The following NPIPB7 variants were observed in gnomAD, a reference collection of about 807,000 sequenced individuals.
NPIPB7 encodes nuclear pore complex interacting protein family member B7, also known as nuclear pore complex-interacting protein family member B7.
For synonymous variants in NPIPB7, 9 were observed against 88.1 expected, an observed-to-expected ratio of 0.10 and a Z score of 5.03; for missense variants, 14 against 238.5, an observed-to-expected ratio of 0.06 and a Z score of 6.20.
At chr16:28,470,051 T>C (rs1480714629) in intron 1 of NPIPB7, among the ~76,000 whole-genome samples, 1 of 144,962 alleles carries the variant, frequency 6.9e-6, no homozygotes, top group Non-Finnish European at 1.5e-5. Context: ...ATTTTGTTTG[T>C]TAGAGACAAG....
intron 2 of NPIPB7, among the ~76,000 whole-genome samples, chr16:28,463,583 A>G (rs2045885469): frequency 2.1e-5 from 3 of 145,672 alleles, no homozygotes; most frequent in African/African-American, 5.2e-5. Flanking sequence ...AAAATTAGCC[A>G]GGCATGGTGG....
chr16:28,471,898 C>T (rs928924199), upstream of NPIPB7, among the ~76,000 whole-genome samples: 4 of 152,172 alleles, frequency 2.6e-5, no homozygotes, highest in Admixed American at 6.6e-5. Context: ...TGCATGGTGG[C>T]ACCTGCCTGT....
intron 1 of NPIPB7, among the ~76,000 whole-genome samples, chr16:28,468,675 C>A (rs1180357994): frequency 6.9e-6 from 1 of 145,120 alleles, no homozygotes; most frequent in Non-Finnish European, 1.5e-5. Flanking sequence ...GGCATGGTGG[C>A]ACGTGCCTAC....
chr16:28,463,430 C>CAA (rs2141680446), intron 2 of NPIPB7, among the ~76,000 whole-genome samples: 1 of 111,738 alleles, frequency 8.9e-6, no homozygotes, highest in East Asian at 3.2e-4. Flanking sequence ...CACACACACA[C>CAA]ACAAGAATGA....
At chr16:28,469,886 TG>T in intron 1 of NPIPB7, 1 of 280,232 alleles carries the variant, frequency 3.6e-6, no homozygotes, top group South Asian at 3.2e-5. Flanking sequence ...GCAGGACAAT[TG>T]CTTGAACCCC....
At chr16:28,468,806 CAAAAAAAA>C (rs1032086551) in intron 1 of NPIPB7, among the ~76,000 whole-genome samples, 2 of 24,410 alleles carry the variant, frequency 8.2e-5, no homozygotes, top group African/African-American at 2.7e-4. Context: ...GACTCTGTCT[CAAAAAAAA>C]AAAAAAAAAA....
At chr16:28,468,678 G>A (rs575014670) in intron 1 of NPIPB7, among the ~76,000 whole-genome samples, 63 of 144,956 alleles carry the variant, frequency 4.3e-4, no homozygotes, top group South Asian at 3.2e-3. Flanking sequence ...ATGGTGGCAC[G>A]TGCCTACAGT....
intron 4 of NPIPB7, among the ~76,000 whole-genome samples, chr16:28,461,259 G>C (rs896044475): frequency 4.8e-5 from 6 of 125,836 alleles, no homozygotes; most frequent in Non-Finnish European, 1.1e-4. Flanking sequence ...AATAGAGGTA[G>C]ACAGGAAATA....
At chr16:28,470,077 T>C (rs2045933964) in intron 1 of NPIPB7, among the ~76,000 whole-genome samples, 1 of 142,086 alleles carries the variant, frequency 7.0e-6, no homozygotes, top group Non-Finnish European at 1.5e-5. Flanking sequence ...AGCGGGGCCA[T>C]CTCAGCTCAC....
At chr16:28,463,684 C>A (rs1291517781) in intron 2 of NPIPB7, among the ~76,000 whole-genome samples, 3 of 95,782 alleles carry the variant, frequency 3.1e-5, no homozygotes, top group Admixed American at 1.3e-4. Flanking sequence ...TGAGATTGTG[C>A]CATTGCACTC....
intron 2 of NPIPB7, among the ~76,000 whole-genome samples, chr16:28,463,600 C>T (rs1054358550): frequency 6.9e-6 from 1 of 145,926 alleles, no homozygotes; most frequent in African/African-American, 2.6e-5. Context: ...GTGGTGCATG[C>T]CTGTAGTCCC....
At chr16:28,464,416 T>C (rs959334661) in intron 2 of NPIPB7, among the ~76,000 whole-genome samples, 3 of 152,322 alleles carry the variant, frequency 2.0e-5, no homozygotes, top group African/African-American at 7.2e-5. Flanking sequence ...AAATATTTGT[T>C]CTCATCATAG....
chr16:28,468,800 C>T, intron 1 of NPIPB7, among the ~76,000 whole-genome samples: 2 of 77,942 alleles, frequency 2.6e-5, no homozygotes, highest in Non-Finnish European at 2.7e-5. Flanking sequence ...GAGTGAGACT[C>T]TGTCTCAAAA....
intron 1 of NPIPB7, among the ~76,000 whole-genome samples, chr16:28,468,522 AGGTGGGCCGGG>A (rs2141683893): frequency 6.8e-6 from 1 of 146,410 alleles, no homozygotes; most frequent in Admixed American, 6.8e-5. Flanking sequence ...AAAATTAACA[AGGTGGGCCGGG>A]TGTGGTGGCT....
upstream of NPIPB7, among the ~76,000 whole-genome samples, chr16:28,470,719 G>C (rs1402354434): frequency 6.7e-6 from 1 of 150,244 alleles, no homozygotes; most frequent in East Asian, 2.0e-4. Flanking sequence ...AGGTGGAGGA[G>C]GAGAAGAAGA....
chr16:28,465,576 A>G (rs79511513), intron 2 of NPIPB7, among the ~76,000 whole-genome samples: 1,464 of 100,818 alleles, frequency 0.015, no homozygotes, highest in East Asian at 0.023. Flanking sequence ...AGAATGTTAA[A>G]TGTGCCTAGA....
At chr16:28,469,981 A>G (rs866546881) in intron 1 of NPIPB7, among the ~76,000 whole-genome samples, 1 of 142,516 alleles carries the variant, frequency 7.0e-6, no homozygotes, top group Non-Finnish European at 1.5e-5. Flanking sequence ...AAAAAAAAAA[A>G]AAAAAAAGTC....
intron 2 of NPIPB7, among the ~76,000 whole-genome samples, chr16:28,464,174 ACCTTCAGCTCTCTGAGTT>A: frequency 7.1e-6 from 1 of 141,414 alleles, no homozygotes; most frequent in Non-Finnish European, 1.5e-5. Context: ...GGAAGTAATT[ACCTTCAGCTCTCTGAGTT>A]CTAGAATTTG....
chr16:28,463,582 C>T (rs2045885449), intron 2 of NPIPB7, among the ~76,000 whole-genome samples: 3 of 145,562 alleles, frequency 2.1e-5, no homozygotes, highest in African/African-American at 5.2e-5. Flanking sequence ...CAAAATTAGC[C>T]AGGCATGGTG....
Sources: allele counts gnomAD v4.1 joint callset (sites outside exome capture counted in the v4.1 genomes callset), GRCh38; gene constraint gnomAD v4.1.1; transcripts MANE v1.5; gene names NCBI Gene and HGNC (gene_info 2026-07-23, HGNC 2026-07-21).